Variants in MEF2D observed in about 807,000 individuals in gnomAD.
MEF2D encodes the protein myocyte-specific enhancer factor 2D.
In MEF2D, 10 loss-of-function variants were observed where a neutral mutation model predicts 59.3. The ratio of observed to expected loss-of-function variants is 0.17; its 90% CI spans 0.10 to 0.29. MEF2D has a LOEUF of 0.29. Among genes scored for constraint, MEF2D ranks in the 10% least tolerant of loss-of-function variants. The pLI, the probability that MEF2D is intolerant of heterozygous loss-of-function variation, is 1.00. For synonymous variants in MEF2D, 305 were observed against 295.0 expected (o/e 1.03, Z -0.35); for missense variants, 508 against 699.4 (o/e 0.73, Z 3.09).
chr1:156,469,253 TTTTTG>T (rs1232660952), intron 9 of MEF2D, among the ~76,000 whole-genome samples: 3 of 152,112 alleles, frequency 2.0e-5, no homozygotes, highest in African/African-American at 4.8e-5. Flanking sequence ...AAAGATGTGG[TTTTTG>T]TTTTGTTTTG....
chr1:156,479,777 T>C lies in MEF2D; in HGVS notation c.416A>G (p.Asn139Ser). Reference sequence around the variant, plus strand: ...GGGCACCGTGACAGGCATGGCAAAGTTGGGGGCCGGGACAGTTGACTAGAC... The same window carrying C: ...GGGCACCGTGACAGGCATGGCAAAGCTGGGGGCCGGGACAGTTGACTAGAC... ...RRYGSTVPAP[N>S]FAMPVTVPVS... The change falls in exon 5 of 12, where the codon AAC becomes AGC. Residue 139 changes from asparagine to serine, a missense_variant. Around this residue, in one of 2 missense-constraint regions of MEF2D, gnomAD observed 481 missense variants for 584.7 expected, o/e 0.82. Coordinates refer to ENST00000348159, the MANE Select transcript of MEF2D (RefSeq NM_005920.4). 3.9e-6 allele frequency: 6 copies of C among 1,551,388 alleles called. No individual in the cohort carries two copies. Among genetic ancestry groups the C allele is most frequent in the South Asian group, 1.2e-5 (1 of 84,032 alleles).
intron 9 of MEF2D, among the ~76,000 whole-genome samples, chr1:156,470,119 A>T (rs1452073868): frequency 6.6e-6 from 1 of 152,254 alleles, no homozygotes; most frequent in Non-Finnish European, 1.5e-5. Context: ...GCACTGTCAC[A>T]GAATAAATAG....
In MEF2D at chr1:156,468,714, G is replaced by A. The variant is rs190649371; in HGVS notation, c.1247+66C>T. ...CCTGCAGGGAACCCAGCTCCCAAGA[G>A]GTCCCTCCTCTTCCCGTTCAATTCT... On this transcript the variant is annotated intron_variant, in intron 10 of 11. Transcript: ENST00000348159. The surrounding 1 kb of genome is among the most constrained non-coding windows in gnomAD (Gnocchi z 4.3). 1.1e-4 allele frequency: 173 copies of A among 1,567,260 alleles called. No individual in the cohort carries two copies. Among genetic ancestry groups the A allele is most frequent in the Middle Eastern group, 1.7e-4 (1 of 5,878 alleles).
At chr1:156,479,262 C>A in intron 6 of MEF2D, 28 bp downstream of exon 6, 1 of 1,593,186 alleles carries the variant, frequency 6.3e-7, no homozygotes, top group South Asian at 1.1e-5. Context: ...CCCTCCCCAC[C>A]TCCAGGTAGA....
chr1:156,494,435 G>T (rs1673008492), intron 1 of MEF2D, among the ~76,000 whole-genome samples: 1 of 152,186 alleles, frequency 6.6e-6, no homozygotes, highest in African/African-American at 2.4e-5. Context: ...GACTCGTGGG[G>T]CTAAGTGTGG....
intron 1 of MEF2D, among the ~76,000 whole-genome samples, chr1:156,488,397 G>A (rs909820241): frequency 6.6e-6 from 1 of 152,208 alleles, no homozygotes; most frequent in Non-Finnish European, 1.5e-5. Flanking sequence ...CAACTGTGGA[G>A]AAGGGTGGCT....
chr1:156,490,927 T>C (rs558382902), intron 1 of MEF2D, among the ~76,000 whole-genome samples: 1 of 152,242 alleles, frequency 6.6e-6, no homozygotes, highest in African/African-American at 2.4e-5. Flanking sequence ...GTGAGGCCAT[T>C]TGGCTCTCTA....
intron 1 of MEF2D, among the ~76,000 whole-genome samples, chr1:156,487,787 G>A (rs1429396958): frequency 6.6e-6 from 1 of 152,212 alleles, no homozygotes; most frequent in Non-Finnish European, 1.5e-5. Context: ...CTCCAGATGT[G>A]AGTCTCTCCT....
At chr1:156,490,032 C>A (rs1016320930) in intron 1 of MEF2D, among the ~76,000 whole-genome samples, 2 of 152,174 alleles carry the variant, frequency 1.3e-5, no homozygotes, top group African/African-American at 2.4e-5. Context: ...CCCCAAACAC[C>A]CAGGCAAGAT....
intron 9 of MEF2D, among the ~76,000 whole-genome samples, chr1:156,470,313 G>A (rs1304451586): frequency 6.6e-6 from 1 of 152,106 alleles, no homozygotes; most frequent in Middle Eastern, 3.4e-3. Context: ...CAGCTACTAG[G>A]GAGGTTGAGG....
At chr1:156,470,755 GAGC>G (rs1671189660) in intron 9 of MEF2D, among the ~76,000 whole-genome samples, 1 of 152,208 alleles carries the variant, frequency 6.6e-6, no homozygotes, top group Non-Finnish European at 1.5e-5. Flanking sequence ...TGTGAGGACT[GAGC>G]AAGTTAATAC....
chr1:156,496,385 G>A (rs1673131190), intron 1 of MEF2D, among the ~76,000 whole-genome samples: 1 of 152,138 alleles, frequency 6.6e-6, no homozygotes, highest in African/African-American at 2.4e-5. Flanking sequence ...AGGGACCCGG[G>A]GACACACGGT....
At chr1:156,472,668 C>T (rs1423575033) in intron 9 of MEF2D, among the ~76,000 whole-genome samples, 1 of 152,156 alleles carries the variant, frequency 6.6e-6, no homozygotes, top group East Asian at 1.9e-4. Flanking sequence ...CCTGCCTCAG[C>T]CTCCCAAGTA....
intron 9 of MEF2D, among the ~76,000 whole-genome samples, chr1:156,472,074 G>A (rs1671267789): frequency 6.6e-6 from 1 of 152,156 alleles, no homozygotes; most frequent in Admixed American, 6.5e-5. Flanking sequence ...AAAGACTGTG[G>A]GCCCAACAAG....
chr1:156,476,116 T>G (rs902547201), intron 8 of MEF2D, among the ~76,000 whole-genome samples: 1 of 151,970 alleles, frequency 6.6e-6, no homozygotes, highest in African/African-American at 2.4e-5. Flanking sequence ...CTGAGTGGAG[T>G]CAGAGGACTA....
At chr1:156,489,834 C>T (rs144619893) in intron 1 of MEF2D, among the ~76,000 whole-genome samples, 3 of 152,238 alleles carry the variant, frequency 2.0e-5, no homozygotes, top group African/African-American at 4.8e-5. Context: ...AGGTGAGGAC[C>T]GAGGACCAAG....
rs1169221167 is a variant in MEF2D, at chr1:156,479,701, G to A, written c.492C>T (p.Val164=). 1.9e-6 allele frequency: 3 copies of A among 1,551,730 alleles called. No individual in the cohort carries two copies. The highest frequency in any genetic ancestry group is 3.9e-5 in the Admixed American group (2 of 51,004). The change falls in exon 5 of 12, where the codon GTC becomes GTT. Residue 164 remains valine (V), a synonymous_variant. Transcript: ENST00000348159. The part of the protein sequence containing the change: ...LQFSNPSGSL[V]TPSLVTSSLT... ...GGGATGATGTCACCAGGGAAGGGGT[G>A]ACCAGGGAGCCGCTGGGATTGCTGA...
chr1:156,492,436 T>C (rs1391074040), intron 1 of MEF2D, among the ~76,000 whole-genome samples: 3 of 152,236 alleles, frequency 2.0e-5, no homozygotes, highest in Admixed American at 6.5e-5. Context: ...GGCCCCAGCA[T>C]TGTATGCCAA....
intron 1 of MEF2D, chr1:156,484,341 T>C (rs553465297): frequency 6.6e-6 from 1 of 152,264 alleles, no homozygotes; most frequent in Non-Finnish European, 1.5e-5. Flanking sequence ...ACAGTCTCTG[T>C]TGTAACTACT....
Sources: gnomAD v4.1 joint callset for allele counts (sites outside exome capture counted in the v4.1 genomes callset) on GRCh38, gnomAD v4.1.1 for gene constraint, gnomAD v4.1.1 regional missense constraint, Gnocchi (gnomAD v3.1) non-coding constraint, MANE v1.5 for transcripts, NCBI Gene and HGNC (gene_info 2026-07-23, HGNC 2026-07-21) for gene names.